TDP1: variants seen among roughly 807,000 people sequenced by gnomAD.
The protein encoded by TDP1 is tyr-DNA phosphodiesterase 1.
Under a neutral mutation model 81.5 loss-of-function variants are expected in TDP1, and 64 were observed. The ratio of observed to expected loss-of-function variants is 0.79; its 90% CI spans 0.64 to 0.97. TDP1 has a LOEUF of 0.97. Ranked by LOEUF, TDP1 falls within the 50% of genes least tolerant of loss-of-function variation. The probability of loss-of-function intolerance (pLI) is 0.00; values close to 1 mark genes in which losing one functional copy is unlikely to be tolerated. For synonymous variants in TDP1, 256 were observed against 264.3 expected, an observed-to-expected ratio of 0.97 and a Z score of 0.30; for missense variants, 723 against 743.8, an observed-to-expected ratio of 0.97 and a Z score of 0.33.
chr14:89,977,597 G>A (rs775118994), intron 7 of TDP1, among the ~76,000 whole-genome samples: 17 of 152,182 alleles, frequency 1.1e-4, no homozygotes, highest in Non-Finnish European at 7.3e-5. Flanking sequence ...CGCACCTAGC[G>A]TATTTTTAAA....
chr14:90,032,965 T>C, intron 15 of TDP1, 141 bp from the exon 16 acceptor site: 1 of 1,196,806 alleles, frequency 8.4e-7, no homozygotes. Flanking sequence ...TATTTGCCTA[T>C]GAACATTGAA....
chr14:89,993,339 T>C (rs747004324), intron 13 of TDP1, 37 bp from the exon 14 acceptor site: 4 of 1,526,094 alleles, frequency 2.6e-6, no homozygotes, highest in Non-Finnish European at 9.1e-7. Flanking sequence ...ATCAATTTTA[T>C]TTCATAATTA....
chr14:89,997,934 T>C (rs1896781242), intron 14 of TDP1, among the ~76,000 whole-genome samples: 1 of 143,344 alleles, frequency 7.0e-6, no homozygotes, highest in Non-Finnish European at 1.5e-5. Context: ...ATAAAACATC[T>C]TGACTTTTAT....
upstream of TDP1, chr14:89,955,396 C>T (rs1216468251): frequency 6.6e-6 from 1 of 152,220 alleles, no homozygotes; most frequent in Non-Finnish European, 1.5e-5. Context: ...CAGCAAACAT[C>T]CTTATTAAAG....
chr14:90,016,302 CA>C (rs1378884209), intron 14 of TDP1, among the ~76,000 whole-genome samples: 1 of 152,120 alleles, frequency 6.6e-6, no homozygotes, highest in Non-Finnish European at 1.5e-5. Flanking sequence ...CTTGGCCTCC[CA>C]AAGTGCTGGG....
At chr14:90,006,781 C>T (rs946482382) in intron 14 of TDP1, among the ~76,000 whole-genome samples, 4 of 152,122 alleles carry the variant, frequency 2.6e-5, no homozygotes, top group East Asian at 1.9e-4. Flanking sequence ...TCAGGTGATC[C>T]GCCCACCTCA....
chr14:90,032,882 T>A (rs532304661), intron 15 of TDP1: 2 of 982,948 alleles, frequency 2.0e-6, no homozygotes, highest in African/African-American at 3.5e-5. Flanking sequence ...AACTTTGCTA[T>A]AACTTAATTC....
chr14:90,027,053 T>G (rs1886746432), intron 15 of TDP1, among the ~76,000 whole-genome samples: 1 of 152,224 alleles, frequency 6.6e-6, no homozygotes, highest in Non-Finnish European at 1.5e-5. Context: ...CCACAATGGT[T>G]GAACTAGTTT....
chr14:90,035,030 C>G (rs1887681980), intron 16 of TDP1, among the ~76,000 whole-genome samples: 1 of 152,178 alleles, frequency 6.6e-6, no homozygotes, highest in African/African-American at 2.4e-5. Flanking sequence ...CCTCCTCTGT[C>G]CCGCTAACCT....
chr14:89,984,417 G>A (rs767109885), intron 8 of TDP1, 99 bp from the exon 9 acceptor site: 638 of 1,603,694 alleles, frequency 4.0e-4, no homozygotes, highest in Non-Finnish European at 5.3e-4. Flanking sequence ...TGGAGATACC[G>A]AGAATTCACC....
chr14:89,958,000 TGTGA>T (rs1300875807), intron 2 of TDP1, among the ~76,000 whole-genome samples: 1 of 152,142 alleles, frequency 6.6e-6, no homozygotes, highest in East Asian at 1.9e-4. Context: ...GGAGTCGGTT[TGTGA>T]GTGAGTGAGC....
intron 14 of TDP1, among the ~76,000 whole-genome samples, chr14:90,003,710 G>A (rs1345587994): frequency 6.6e-6 from 1 of 152,182 alleles, no homozygotes; most frequent in African/African-American, 2.4e-5. Flanking sequence ...GAGTTGCCTA[G>A]CAACTGACAG....
intron 14 of TDP1, among the ~76,000 whole-genome samples, chr14:90,011,556 A>C (rs1363394503): frequency 1.3e-5 from 2 of 152,242 alleles, no homozygotes; most frequent in Non-Finnish European, 2.9e-5. Context: ...ACATGTTCCC[A>C]GATGGAGATG....
At chr14:90,015,222 G>A (rs1596647532) in intron 14 of TDP1, among the ~76,000 whole-genome samples, 1 of 152,270 alleles carries the variant, frequency 6.6e-6, no homozygotes, top group Non-Finnish European at 1.5e-5. Flanking sequence ...CCTGATTCAG[G>A]GTCCAGGGCT....
At chr14:90,026,569 T>G (rs1335051078) in intron 15 of TDP1, among the ~76,000 whole-genome samples, 1 of 152,188 alleles carries the variant, frequency 6.6e-6, no homozygotes, top group Non-Finnish European at 1.5e-5. Context: ...CATTAACTCA[T>G]CATTTACATT....
chr14:89,988,563 T>A, intron 10 of TDP1: 6 of 977,244 alleles, frequency 6.1e-6, no homozygotes, highest in Non-Finnish European at 6.1e-6. Flanking sequence ...ACACTTGTGA[T>A]TTCAAGTAAA....
At chr14:89,975,585 T>TG in intron 6 of TDP1, 196 bp from the exon 7 acceptor site, 2 of 671,306 alleles carry the variant, frequency 3.0e-6, no homozygotes, top group Non-Finnish European at 3.7e-6. Flanking sequence ...ATTTGTGTTT[T>TG]TTTTTTTTTT....
chr14:89,980,448 T>A (rs1395110579), intron 7 of TDP1, 92 bp from the exon 8 acceptor site: 1 of 1,438,008 alleles, frequency 7.0e-7, no homozygotes, highest in African/African-American at 1.4e-5. Flanking sequence ...TTTAAAAAAA[T>A]TCCTTTAGCT....
chr14:89,984,538 C>A lies in TDP1; in HGVS notation c.907C>A (p.Pro303Thr). ...TQGIWLSPLY[P>T]RIADGTHKSG... ...CAGAATATGGTTGAGCCCCTTATAC[C>A]CACGAATTGCTGATGGAACCCACAA... is the stretch of plus-strand genomic sequence containing the variant. Residue 303 changes from proline (P) to threonine (T), a missense_variant, in exon 9 of 17, where the codon CCA becomes ACA. Pro to Thr is a conservative substitution (Grantham distance 38). Coordinates refer to ENST00000335725, the MANE Select transcript of TDP1 (RefSeq NM_018319.4). 3.1e-6 allele frequency: 5 copies of A among 1,613,918 alleles called. No individual in the cohort carries two copies. Among genetic ancestry groups the A allele is most frequent in the Non-Finnish European group, 4.2e-6 (5 of 1,180,006 alleles).
Sources: allele counts gnomAD v4.1 joint callset (sites outside exome capture counted in the v4.1 genomes callset), GRCh38; gene constraint gnomAD v4.1.1; transcripts MANE v1.5; gene names NCBI Gene and HGNC (gene_info 2026-07-23, HGNC 2026-07-21).